DENR: variants seen among roughly 807,000 people sequenced by gnomAD.
The protein encoded by DENR is density regulated re-initiation and release factor.
In DENR, 6 loss-of-function variants were observed where a neutral mutation model predicts 30.6. That is an observed-to-expected ratio of 0.20 (90% confidence interval 0.11 to 0.39). DENR has a LOEUF of 0.39. DENR is among the 10% of genes least tolerant of loss of function. DENR has a pLI of 1.00. For missense variants in DENR, 141 were observed against 230.9 expected (o/e 0.61, Z 2.52); for synonymous variants, 78 against 72.1 (o/e 1.08, Z -0.41).
rs921880557 is a variant in DENR at position 122,769,237 on chromosome 12, T to C, written c.*159T>C. The C allele has an allele frequency of 1.1e-5, 7 of 663,378 alleles. 1 individual carries two copies. Among genetic ancestry groups the C allele is most frequent in the African/African-American group, 6.4e-5 (1 of 15,740 alleles). The allele number at this position is 663,378 out of a possible 1,614,324, so 41.1% of individuals were successfully genotyped here. A position where few individuals can be genotyped will look rare whatever the true frequency, so the allele number is the denominator to read the frequency against. ...ACACATGTATATATACATGTGTGTATGTATACATGTATATATATATACATA... is the reference window on the plus strand; with the variant it reads ...ACACATGTATATATACATGTGTGTACGTATACATGTATATATATATACATA... On this transcript the variant is annotated 3_prime_UTR_variant, in exon 8 of 8. Transcript: ENST00000280557.
At chr12:122,768,583 A>T (rs1388697988) in intron 6 of DENR, among the ~76,000 whole-genome samples, 199 bp from the exon 7 acceptor site, 1 of 152,124 alleles carries the variant, frequency 6.6e-6, no homozygotes, top group Non-Finnish European at 1.5e-5. Flanking sequence ...GTTTTTATGT[A>T]TTGAGCCTTT....
rs756400606 is a variant in DENR, at chr12:122,768,885, T to C, written c.516T>C (p.Asp172=). 1.1e-5 allele frequency: 18 copies of C among 1,612,738 alleles called. No individual in the cohort carries two copies. In the Admixed American group the frequency reaches 1.7e-4, roughly 15 times the overall value. ...TTATCATTCAGGGAGATTTTACAGA[T>C]GACATAATTGATGTCATTCAGGAAA... ...DEIIIQGDFT[D]DIIDVIQEKW... Residue 172 remains aspartate, a synonymous_variant, in exon 7 of 8, where the codon GAT becomes GAC. Transcript: ENST00000280557.
At chr12:122,756,527 G>A (rs1878555016) in intron 2 of DENR, among the ~76,000 whole-genome samples, 1 of 152,194 alleles carries the variant, frequency 6.6e-6, no homozygotes, top group Non-Finnish European at 1.5e-5. Flanking sequence ...AGATTTGTAG[G>A]AAATTAGGGG....
intron 4 of DENR, among the ~76,000 whole-genome samples, chr12:122,763,841 A>AT (rs1878773177): frequency 6.6e-6 from 1 of 152,254 alleles, no homozygotes; most frequent in Non-Finnish European, 1.5e-5. Context: ...TGGCAATTAC[A>AT]TTCTAGAAAG....
chr12:122,766,211 A>G (rs1878845572), intron 5 of DENR, among the ~76,000 whole-genome samples: 1 of 152,058 alleles, frequency 6.6e-6, no homozygotes, highest in African/African-American at 2.4e-5. Context: ...CTTCCTGGCC[A>G]CTGCAGCTCT....
Position 122,762,881 on chromosome 12 carries a change from C to G in DENR, c.163C>G (p.Gln55Glu). ...EYMPDVAKCR[Q>E]WLEKNFPNEF... Reference sequence around the variant, plus strand: ...TATGCCTGATGTTGCTAAATGTAGACAATGGTTAGAGAAGAATTTTCCAAA... The same window carrying G: ...TATGCCTGATGTTGCTAAATGTAGAGAATGGTTAGAGAAGAATTTTCCAAA... Residue 55 changes from glutamine (Q) to glutamate (E), a missense_variant, in exon 4 of 8, where the codon CAA becomes GAA. By Grantham distance (29) the Gln-to-Glu change is conservative. Around this residue, in one of 2 missense-constraint regions of DENR, gnomAD observed 104 missense variants for 138.3 expected, o/e 0.75. Coordinates refer to ENST00000280557, the MANE Select transcript of DENR (RefSeq NM_003677.5). The G allele has an allele frequency of 6.5e-7, 1 of 1,549,468 alleles. No homozygotes were observed.
chr12:122,764,942 G>T (rs961794340), intron 4 of DENR, among the ~76,000 whole-genome samples: 5 of 152,158 alleles, frequency 3.3e-5, no homozygotes, highest in African/African-American at 7.2e-5. Flanking sequence ...GACCTTCCTG[G>T]GATAGGATCA....
intron 2 of DENR, among the ~76,000 whole-genome samples, chr12:122,757,641 G>C (rs1593759889): frequency 6.6e-6 from 1 of 152,208 alleles, no homozygotes; most frequent in East Asian, 1.9e-4. Context: ...ACTTAGCAGA[G>C]TCTTGAAGGA....
intron 2 of DENR, among the ~76,000 whole-genome samples, chr12:122,756,479 T>G (rs1878553486): frequency 6.6e-6 from 1 of 151,846 alleles, no homozygotes; most frequent in Admixed American, 6.6e-5. Context: ...AAATAAAGAT[T>G]AAGGACTAAT....
chr12:122,762,652 C>T (rs1878733267), intron 3 of DENR, among the ~76,000 whole-genome samples, 193 bp from the exon 4 acceptor site: 1 of 152,140 alleles, frequency 6.6e-6, no homozygotes, highest in African/African-American at 2.4e-5. Context: ...GAAGAGGTAC[C>T]TAATCCTTCT....
chr12:122,759,547 C>G (rs976354136), intron 2 of DENR, among the ~76,000 whole-genome samples: 2 of 152,054 alleles, frequency 1.3e-5, no homozygotes, highest in Non-Finnish European at 2.9e-5. Flanking sequence ...ATGGCAAAAC[C>G]CTGTCTCTAC....
At chr12:122,758,834 G>C (rs1486066436) in intron 2 of DENR, among the ~76,000 whole-genome samples, 1 of 136,830 alleles carries the variant, frequency 7.3e-6, no homozygotes, top group South Asian at 2.3e-4. Flanking sequence ...GAGTCTAGAG[G>C]CTTAATTTTT....
chr12:122,769,426 G>A lies in DENR; in HGVS notation c.*348G>A, dbSNP rs1359318472. On this transcript the variant is annotated 3_prime_UTR_variant, in exon 8 of 8. Coordinates refer to ENST00000280557, the MANE Select transcript of DENR (RefSeq NM_003677.5). ...TTTATTGCCAAAGTCAAATAAACGG[G>A]AGACTGTCATGCTCATGCATGAATA... 1.0e-6 allele frequency: 1 copy of A among 986,886 alleles called. No homozygotes were observed. Among genetic ancestry groups the A allele is most frequent in the African/African-American group, 1.8e-5 (1 of 57,048 alleles). 61.1% of individuals were successfully genotyped at this position (986,886 alleles called of 1,614,324 possible).
At chr12:122,753,925 G>C in intron 2 of DENR, 118 bp downstream of exon 2, 2 of 840,102 alleles carry the variant, frequency 2.4e-6, no homozygotes, top group Non-Finnish European at 4.0e-6. Flanking sequence ...GTTTGTACTG[G>C]GGGAGAGGAG....
rs1045548835 is a variant in DENR, at chr12:122,769,513, T to A, written c.*435T>A. The A allele has an allele frequency of 9.3e-6, 8 of 863,198 alleles. No homozygotes were observed. Among genetic ancestry groups the A allele is most frequent in the East Asian group, 2.4e-4 (2 of 8,370 alleles). 53.5% of individuals were successfully genotyped at this position (863,198 alleles called of 1,614,324 possible). A position where few individuals can be genotyped will look rare whatever the true frequency, so the allele number is the denominator to read the frequency against. Reference sequence around the variant, plus strand: ...CTGACTTTCTCTCTCTCTCTCTCTCTCTTTTTTTTTTTTGACAGAGTCTCG... The same window carrying A: ...CTGACTTTCTCTCTCTCTCTCTCTCACTTTTTTTTTTTTGACAGAGTCTCG... On this transcript the variant is annotated 3_prime_UTR_variant, in exon 8 of 8. Coordinates refer to ENST00000280557, the MANE Select transcript of DENR (RefSeq NM_003677.5).
chr12:122,769,423 C>G lies in DENR; in HGVS notation c.*345C>G, dbSNP rs570612997. On this transcript the variant is annotated 3_prime_UTR_variant, in exon 8 of 8. Coordinates refer to ENST00000280557, the MANE Select transcript of DENR (RefSeq NM_003677.5). ...TTTTTTATTGCCAAAGTCAAATAAA[C>G]GGGAGACTGTCATGCTCATGCATGA... 1 of 986,420 alleles carries G rather than the reference C, an allele frequency of 1.0e-6. No individual in the cohort carries two copies. The highest frequency in any genetic ancestry group is 1.8e-5 in the African/African-American group (1 of 56,934). The allele number at this position is 986,420 out of a possible 1,614,324, so 61.1% of individuals were successfully genotyped here.
chr12:122,765,279 T>G, intron 4 of DENR, 25 bp from the exon 5 acceptor site: 1 of 1,536,222 alleles, frequency 6.5e-7, no homozygotes, highest in Non-Finnish European at 8.8e-7. Context: ...ATGTTCATGC[T>G]TTTGTATTTC....
At chr12:122,753,239 T>G (rs1261782316) in intron 1 of DENR, among the ~76,000 whole-genome samples, 9 of 151,842 alleles carry the variant, frequency 5.9e-5, no homozygotes, top group African/African-American at 2.2e-4. Flanking sequence ...CTCATGGCGT[T>G]TAGTTGCCCC....
At chr12:122,766,758 T>G (rs545439947) in intron 5 of DENR, among the ~76,000 whole-genome samples, 1 of 152,306 alleles carries the variant, frequency 6.6e-6, no homozygotes, top group East Asian at 1.9e-4. Context: ...CTCCCTCCTC[T>G]CCTGCCTGTG....
Sources: gnomAD v4.1 joint callset for allele counts (sites outside exome capture counted in the v4.1 genomes callset) on GRCh38, gnomAD v4.1.1 for gene constraint, gnomAD v4.1.1 regional missense constraint, MANE v1.5 for transcripts, NCBI Gene and HGNC (gene_info 2026-07-23, HGNC 2026-07-21) for gene names.